XIST: variants seen among roughly 807,000 people sequenced by gnomAD.
XIST encodes the protein X inactive specific transcript (non-protein coding).
chrX:73,847,071 G>A (rs775057261), exon 1 of XIST: 10 of 557,730 alleles, frequency 1.8e-5, no homozygotes, highest in South Asian at 4.5e-5. Flanking sequence ...GATTATGCAC[G>A]CTAACTTTAC....
intron 3 of XIST, among the ~76,000 whole-genome samples, chrX:73,832,374 T>C (rs968516563): frequency 3.6e-5 from 4 of 110,723 alleles, no homozygotes; most frequent in Non-Finnish European, 5.7e-5. Flanking sequence ...AGCAAATCTA[T>C]GCAGAAGGAA....
At chrX:73,846,356 T>C (rs751097774) in exon 1 of XIST, 1 of 559,243 alleles carries the variant, frequency 1.8e-6, no homozygotes, top group Non-Finnish European at 3.2e-6. Context: ...GAGAGTCTTA[T>C]GGAGTGGGCA....
intron 1 of XIST, among the ~76,000 whole-genome samples, chrX:73,840,307 G>A (rs766451257): frequency 2.4e-4 from 27 of 110,963 alleles, no homozygotes; most frequent in South Asian, 7.6e-4. Context: ...TTAAGCATAT[G>A]GAGTGGGGCT....
At chrX:73,835,237 A>G (rs982687871) in intron 2 of XIST, among the ~76,000 whole-genome samples, 1 of 112,150 alleles carries the variant, frequency 8.9e-6, no homozygotes, top group Non-Finnish European at 1.9e-5. Context: ...AGTTTAGATC[A>G]GCTATATGAC....
chrX:73,829,092 A>G (rs1256225230), exon 5 of XIST: 4 of 556,767 alleles, frequency 7.2e-6, no homozygotes, highest in Admixed American at 4.5e-5. Context: ...CTCAAGTGCT[A>G]GAGTGCCAGG....
At chrX:73,848,523 A>C (rs1288242622) in exon 1 of XIST, 1 of 556,318 alleles carries the variant, frequency 1.8e-6, no homozygotes, top group Admixed American at 2.2e-5. Context: ...ACATCAATGC[A>C]CAAGAAGAGT....
At chrX:73,831,711 C>T (rs1388291131) in intron 3 of XIST, among the ~76,000 whole-genome samples, 3 of 111,490 alleles carry the variant, frequency 2.7e-5, no homozygotes, top group Non-Finnish European at 5.6e-5. Context: ...AGCCATGAAG[C>T]CACACAGAAA....
rs148394722 is a variant in XIST at position 73,821,076 on chromosome X, T to C, written n.18825A>G. On this transcript the variant is annotated non_coding_transcript_exon_variant, in exon 6 of 6. Transcript: ENST00000429829. ...TTACTTTCTTCTTTCCATTTTCCAA[T>C]AATCCATTCCCCATCCCCAGCTGAA... 400 of 557,232 alleles carry C rather than the reference T, an allele frequency of 7.2e-4. No homozygotes were observed. The African/African-American group carries it at 7.5e-3, about 10-fold the overall frequency. The allele number at this position is 557,232 out of a possible 1,213,427, so 45.9% of individuals were successfully genotyped here. A position where few individuals can be genotyped will look rare whatever the true frequency, so the allele number is the denominator to read the frequency against.
At chrX:73,846,408 A>G (rs774097371) in exon 1 of XIST, 4 of 555,683 alleles carry the variant, frequency 7.2e-6, no homozygotes, top group Admixed American at 6.7e-5. Context: ...GTATGTGGAG[A>G]GGACCCTCCT....
exon 6 of XIST, chrX:73,824,101 T>C (rs1394714152): frequency 1.8e-6 from 1 of 549,623 alleles, no homozygotes; most frequent in Non-Finnish European, 3.3e-6. Context: ...ATAGCTTATA[T>C]ATGGGTGGCA....
At chrX:73,826,444 C>T (rs1353731833) in exon 6 of XIST, 1 of 557,791 alleles carries the variant, frequency 1.8e-6, no homozygotes, top group South Asian at 2.2e-5. Context: ...GTTTACAAAA[C>T]ACTATAGCCT....
chrX:73,838,587 A>G (rs765063143), intron 1 of XIST, among the ~76,000 whole-genome samples: 51 of 111,593 alleles, frequency 4.6e-4, no homozygotes, highest in South Asian at 1.1e-3. Flanking sequence ...ATGCAGAAGA[A>G]GCCCAAGCTC....
In XIST at chrX:73,825,593, C is replaced by T. The variant is rs936394849; in HGVS notation, n.14308G>A. ...GGGTGGTAAGCTATGAACAGCAGGC[C>T]AAATCCAATTGGCTCAAAAACTAAG... On this transcript the variant is annotated non_coding_transcript_exon_variant, in exon 6 of 6. Transcript: ENST00000429829. 5.9e-6 allele frequency: 3 copies of T among 512,759 alleles called. No homozygotes were observed. In the African/African-American group the frequency reaches 6.9e-5, roughly 12 times the overall value. The allele number at this position is 512,759 out of a possible 1,213,427, so 42.3% of individuals were successfully genotyped here.
chrX:73,841,268 G>A, intron 1 of XIST: 1 of 407,214 alleles, frequency 2.5e-6, no homozygotes, highest in Non-Finnish European at 4.2e-6. Context: ...TGCAGATGAG[G>A]TGGGAAGAAG....
exon 6 of XIST, chrX:73,823,411 A>G (rs1922173232): frequency 5.9e-6 from 3 of 510,812 alleles, no homozygotes; most frequent in Non-Finnish European, 1.0e-5. Flanking sequence ...TAGGCATTGA[A>G]ATATTATTTA....
At position 73,848,301 on chromosome X, in the gene XIST, T is replaced by A. The variant is rs747027364; in HGVS notation, n.4423A>T. 4.0e-5 allele frequency: 22 copies of A among 553,401 alleles called. No homozygotes were observed. The East Asian group carries it at 7.2e-4, about 18-fold the overall frequency. 45.6% of individuals were successfully genotyped at this position (553,401 alleles called of 1,213,427 possible). ...AAATTGCATTTTGCACATCAATAAT[T>A]TCTGGAGGAGGGGCATTAGGTAACC... On this transcript the variant is annotated non_coding_transcript_exon_variant, in exon 1 of 6. Coordinates refer to ENST00000429829, the Ensembl canonical transcript of XIST.
exon 1 of XIST, chrX:73,850,726 G>A (rs1922907916): frequency 4.0e-6 from 1 of 250,959 alleles, no homozygotes. Flanking sequence ...GGAGGTGGGG[G>A]GTGGGGGGTG....
At chrX:73,844,373 AG>A (rs1263794805) in exon 1 of XIST, 6 of 556,689 alleles carry the variant, frequency 1.1e-5, no homozygotes, top group Non-Finnish European at 1.6e-5. Flanking sequence ...TGAAAAGCAA[AG>A]GGAGTCCATG....
At chrX:73,847,386 T>G (rs762310212) in exon 1 of XIST, 111 of 511,791 alleles carry the variant, frequency 2.2e-4, no homozygotes, top group Non-Finnish European at 3.3e-4. Flanking sequence ...GGGATGGGAT[T>G]CCAGGGCAAT....
Sources: gnomAD v4.1 joint callset for allele counts (sites outside exome capture counted in the v4.1 genomes callset) on GRCh38, gnomAD v4.1.1 for gene constraint, MANE v1.5 for transcripts, NCBI Gene and HGNC (gene_info 2026-07-23, HGNC 2026-07-21) for gene names.